The following AGBL1 variants were observed in gnomAD, a reference collection of about 807,000 sequenced individuals.
AGBL1 encodes AGBL carboxypeptidase 1, also known as cytosolic carboxypeptidase 4.
In AGBL1, 130 loss-of-function variants were observed where a neutral mutation model predicts 118.9. The ratio of observed to expected loss-of-function variants is 1.09; its 90% confidence interval spans 0.95 to 1.26. The LOEUF (loss-of-function observed/expected upper bound fraction) is 1.26. Ranked by LOEUF, AGBL1 falls within the 50% of genes most tolerant of loss-of-function variation. AGBL1 has a pLI of 0.00. For synonymous variants in AGBL1, 555 were observed against 478.9 expected, an observed-to-expected ratio of 1.16 and a Z score of -2.08; for missense variants, 1,584 against 1,298.1, an observed-to-expected ratio of 1.22 and a Z score of -3.38.
intron 17 of AGBL1, among the ~76,000 whole-genome samples, chr15:86,337,637 A>G (rs531570070): frequency 6.6e-6 from 1 of 152,318 alleles, no homozygotes; most frequent in East Asian, 1.9e-4. Flanking sequence ...GTTCCGACTT[A>G]TAAGTGGGAG....
chr15:86,471,227 C>A (rs2142102332), intron 18 of AGBL1, among the ~76,000 whole-genome samples: 1 of 152,226 alleles, frequency 6.6e-6, no homozygotes, highest in Admixed American at 6.5e-5. Flanking sequence ...TCTTCTACAT[C>A]TAATTGGTTG....
intron 6 of AGBL1, among the ~76,000 whole-genome samples, chr15:86,239,979 T>G (rs1049555484): frequency 2.0e-5 from 3 of 152,338 alleles, no homozygotes; most frequent in African/African-American, 7.2e-5. Context: ...ATACAATCAT[T>G]GCTTTATCAA....
At chr15:86,597,199 G>C (rs1432516092) in intron 21 of AGBL1, among the ~76,000 whole-genome samples, 2 of 151,660 alleles carry the variant, frequency 1.3e-5, no homozygotes, top group African/African-American at 4.9e-5. Flanking sequence ...TAGCTAGCCA[G>C]CTATCCATCT....
intron 17 of AGBL1, among the ~76,000 whole-genome samples, chr15:86,316,319 A>G (rs2080008938): frequency 6.6e-6 from 1 of 152,100 alleles, no homozygotes; most frequent in Admixed American, 6.5e-5. Flanking sequence ...TAGAACTTTG[A>G]GCTGTGCTTG....
intron 21 of AGBL1, among the ~76,000 whole-genome samples, chr15:86,556,579 G>C (rs1320360182): frequency 1.3e-5 from 2 of 152,214 alleles, no homozygotes; most frequent in Non-Finnish European, 1.5e-5. Context: ...CACCCCATGG[G>C]AAGGAAGCCA....
At chr15:86,511,308 C>T (rs1466119517) in intron 18 of AGBL1, among the ~76,000 whole-genome samples, 1 of 151,970 alleles carries the variant, frequency 6.6e-6, no homozygotes, top group African/African-American at 2.4e-5. Flanking sequence ...ATCCTTTCTT[C>T]AAACAAAATT....
At chr15:86,383,176 C>T (rs2081135543) in intron 17 of AGBL1, among the ~76,000 whole-genome samples, 1 of 132,156 alleles carries the variant, frequency 7.6e-6, no homozygotes, top group Non-Finnish European at 1.5e-5. Context: ...ATAGCCGGAG[C>T]TGGAAAGGGT....
rs16977922 is a variant in AGBL1, at chr15:86,682,191, G to C, written c.3158+7755G>C. The stretch of plus-strand genomic sequence containing the variant: ...CTACATGTTGGGAAATGTTGGAATG[G>C]AACTCCGCCTGGGAATTATTATAGA... On this transcript the variant is annotated intron_variant, in intron 22 of 22. Coordinates refer to ENST00000614907, the MANE Select transcript of AGBL1 (RefSeq NM_001386094.1). Among the ~76,000 whole-genome samples the C allele has an allele frequency of 2.3e-3, 344 of 152,202 alleles. 11 individuals carry two copies. The East Asian group carries it at 0.055, about 24-fold the overall frequency.
intron 22 of AGBL1, among the ~76,000 whole-genome samples, chr15:86,712,777 TGAG>T (rs2086581111): frequency 6.6e-6 from 1 of 152,078 alleles, no homozygotes; most frequent in Non-Finnish European, 1.5e-5. Context: ...ACAAAAAAGA[TGAG>T]GAGTCTGTTT....
chr15:86,402,843 G>A lies in AGBL1; in HGVS notation c.2555+5297G>A, dbSNP rs1596071448. On this transcript the variant is annotated intron_variant, in intron 18 of 22. Transcript: ENST00000614907. The stretch of plus-strand genomic sequence containing the variant: ...AAGGATCTCTTAGCAACACATGTCT[G>A]AACAGGGAAAGAAAATACAAAGATG... Among the ~76,000 whole-genome samples, 4 of 152,172 alleles carry A rather than the reference G, an allele frequency of 2.6e-5. No individual in the cohort carries two copies. In the South Asian group the frequency reaches 8.3e-4, roughly 32 times the overall value.
chr15:86,744,724 G>A (rs755471018), intron 22 of AGBL1, among the ~76,000 whole-genome samples: 1 of 152,078 alleles, frequency 6.6e-6, no homozygotes, highest in Non-Finnish European at 1.5e-5. Flanking sequence ...GACTAATATG[G>A]GAGAAAATCA....
At chr15:86,656,753 C>A (rs946775953) in intron 21 of AGBL1, among the ~76,000 whole-genome samples, 1 of 152,004 alleles carries the variant, frequency 6.6e-6, no homozygotes, top group Admixed American at 6.5e-5. Context: ...CCTTATCTTC[C>A]ATTGTTTACC....
At chr15:86,154,331 T>A (rs2141689905) in intron 3 of AGBL1, 99 bp from the exon 4 acceptor site, 1 of 1,352,260 alleles carries the variant, frequency 7.4e-7, no homozygotes, top group East Asian at 2.6e-5. Context: ...GCTATGATTA[T>A]CCTCCTCCTT....
intron 18 of AGBL1, among the ~76,000 whole-genome samples, chr15:86,422,528 A>G (rs1044920140): frequency 3.9e-5 from 6 of 152,206 alleles, no homozygotes; most frequent in Admixed American, 1.3e-4. Context: ...TAACATCATA[A>G]TTAAGGAACT....
intron 18 of AGBL1, among the ~76,000 whole-genome samples, chr15:86,432,149 G>A (rs1333042851): frequency 4.6e-5 from 7 of 152,158 alleles, no homozygotes; most frequent in Admixed American, 2.0e-4. Context: ...CCTGGGATCC[G>A]ACCTTCTGAC....
chr15:86,665,664 T>C (rs566142318), intron 21 of AGBL1, among the ~76,000 whole-genome samples: 176 of 152,240 alleles, frequency 1.2e-3, no homozygotes, highest in African/African-American at 3.9e-3. Flanking sequence ...AAAATATACA[T>C]TGAAAAACCT....
intron 22 of AGBL1, among the ~76,000 whole-genome samples, chr15:86,895,722 CA>C (rs201954938): frequency 0.017 from 2,616 of 152,064 alleles, 28 homozygotes; most frequent in East Asian, 0.025. Context: ...AAAGATACCA[CA>C]GAAAGTTCCT....
At chr15:86,797,049 A>T (rs961438563) in intron 22 of AGBL1, among the ~76,000 whole-genome samples, 5 of 152,218 alleles carry the variant, frequency 3.3e-5, no homozygotes, top group Non-Finnish European at 7.4e-5. Context: ...CACTCAGAAA[A>T]GTCACTTAAC....
intron 1 of AGBL1, chr15:86,116,713 C>T (rs1897782390): frequency 1.3e-5 from 2 of 152,232 alleles, no homozygotes; most frequent in Non-Finnish European, 2.9e-5. Context: ...TCTTCACACT[C>T]AACTAGGAGT....
Sources: allele counts gnomAD v4.1 joint callset (sites outside exome capture counted in the v4.1 genomes callset), GRCh38; gene constraint gnomAD v4.1.1; transcripts MANE v1.5; gene names NCBI Gene and HGNC (gene_info 2026-07-23, HGNC 2026-07-21).